The following CAPN14 variants were observed in gnomAD, a reference collection of about 807,000 sequenced individuals.
CAPN14 encodes calpain 14, also known as calpain-14.
Under a neutral mutation model 101.3 loss-of-function variants are expected in CAPN14, and 94 were observed. The ratio of observed to expected loss-of-function variants is 0.93; its 90% confidence interval spans 0.79 to 1.10. The LOEUF (loss-of-function observed/expected upper bound fraction) is 1.10. CAPN14 is among the 50% of genes least tolerant of loss of function. The pLI is 0.00. For missense variants in CAPN14, 837 were observed against 828.4 expected (o/e 1.01, Z -0.13); for synonymous variants, 338 against 317.9 (o/e 1.06, Z -0.67).
chr2:31,201,746 A>G, intron 5 of CAPN14, 116 bp downstream of exon 5: 2 of 1,328,518 alleles, frequency 1.5e-6, no homozygotes, highest in Non-Finnish European at 2.1e-6. Flanking sequence ...TATGTTGGCT[A>G]AGACATGCCT....
At chr2:31,205,790 G>C (rs1682042930) in intron 1 of CAPN14, among the ~76,000 whole-genome samples, 1 of 152,024 alleles carries the variant, frequency 6.6e-6, no homozygotes, top group South Asian at 2.1e-4. Context: ...CAATGTCACG[G>C]GGGTCCCTTC....
intron 16 of CAPN14, among the ~76,000 whole-genome samples, chr2:31,181,479 TTCTCTC>T (rs371156919): frequency 5.1e-5 from 7 of 137,522 alleles, no homozygotes; most frequent in South Asian, 4.9e-4. Context: ...TTTCTTTTCT[TTCTCTC>T]TCTCTCTCTT....
rs116017291 is a variant in CAPN14 at position 31,193,440 on chromosome 2, G to A, written c.951-146C>T. The A allele has an allele frequency of 1.3e-3, 978 of 756,702 alleles. 8 individuals are homozygous for A. The African/African-American group carries it at 0.015, about 11-fold the overall frequency. The allele number at this position is 756,702 out of a possible 1,614,324, so 46.9% of individuals were successfully genotyped here. A position where few individuals can be genotyped will look rare whatever the true frequency, so the allele number is the denominator to read the frequency against. On this transcript the variant is annotated intron_variant, in intron 9 of 21. Coordinates refer to ENST00000403897, the MANE Select transcript of CAPN14 (RefSeq NM_001145122.2). ...AGCTCTTGTGCAGAGCTGAGCTGAC[G>A]ATAGGCACATCAGCTGGGGCTGGCT... is the stretch of plus-strand genomic sequence containing the variant.
chr2:31,225,462 G>C (rs1404040553), intron 2 of CAPN14, among the ~76,000 whole-genome samples: 3 of 151,838 alleles, frequency 2.0e-5, no homozygotes, highest in African/African-American at 7.3e-5. Flanking sequence ...AGTATCAAAA[G>C]CATTAATAAT....
intron 1 of CAPN14, among the ~76,000 whole-genome samples, chr2:31,206,043 T>TA (rs1682070026): frequency 6.8e-6 from 1 of 147,938 alleles, no homozygotes; most frequent in African/African-American, 2.4e-5. Flanking sequence ...TATTTATTTT[T>TA]TTTTTTTGAG....
chr2:31,189,623 G>T (rs753142449), intron 12 of CAPN14, 145 bp from the exon 13 acceptor site: 1 of 727,356 alleles, frequency 1.4e-6, no homozygotes, highest in South Asian at 1.5e-5. Flanking sequence ...TGAAACAAGT[G>T]GGGAGGAAAG....
At chr2:31,206,548 C>G (rs1348412760) in intron 1 of CAPN14, among the ~76,000 whole-genome samples, 2 of 152,236 alleles carry the variant, frequency 1.3e-5, no homozygotes, top group African/African-American at 4.8e-5. Flanking sequence ...AGCCACCATG[C>G]CCAGCCTACA....
Position 31,212,814 on chromosome 2 carries a change from G to A in CAPN14, c.-53+4642C>T, listed in dbSNP as rs184954163. 1.4e-3 allele frequency among the ~76,000 whole-genome samples: 218 copies of A among 152,290 alleles called. 3 individuals are homozygous for A. The highest frequency in any genetic ancestry group is 4.7e-3 in the African/African-American group (196 of 41,566). On this transcript the variant is annotated intron_variant, in intron 1 of 21. Coordinates refer to ENST00000403897, the MANE Select transcript of CAPN14 (RefSeq NM_001145122.2). ...CAGGGTAGAGTCAGGTCTCTGGAAC[G>A]GAAGCAAAAGAAATAAGTACCATGC... is the stretch of plus-strand genomic sequence containing the variant.
intron 15 of CAPN14, among the ~76,000 whole-genome samples, chr2:31,186,998 T>C (rs945096008): frequency 2.6e-5 from 4 of 152,196 alleles, no homozygotes; most frequent in Non-Finnish European, 5.9e-5. Flanking sequence ...AAACAATACA[T>C]ATAAGATTCT....
intron 1 of CAPN14, among the ~76,000 whole-genome samples, chr2:31,215,959 T>C (rs554183208): frequency 2.0e-4 from 31 of 151,750 alleles, no homozygotes; most frequent in Non-Finnish European, 2.9e-4. Flanking sequence ...TGCTTAAATC[T>C]ATGCACCAAA....
chr2:31,192,748 C>T (rs967743085), intron 10 of CAPN14, among the ~76,000 whole-genome samples: 2 of 152,180 alleles, frequency 1.3e-5, no homozygotes, highest in African/African-American at 2.4e-5. Context: ...CTATTTCAAT[C>T]CTGCCTAGTT....
At chr2:31,221,402 T>C (rs955235318), upstream of CAPN14, among the ~76,000 whole-genome samples, 3 of 152,224 alleles carry the variant, frequency 2.0e-5, no homozygotes, top group South Asian at 4.1e-4. Context: ...ATTGTGTACT[T>C]GGCATTGTTT....
intron 5 of CAPN14, 117 bp from the exon 6 acceptor site, chr2:31,200,742 G>T: frequency 2.0e-6 from 2 of 977,264 alleles, no homozygotes; most frequent in Non-Finnish European, 1.5e-6. Context: ...CAAAAGCAGA[G>T]CTCAGGCAAC....
intron 2 of CAPN14, among the ~76,000 whole-genome samples, chr2:31,204,981 C>G (rs1681996170): frequency 6.6e-6 from 1 of 152,138 alleles, no homozygotes; most frequent in Non-Finnish European, 1.5e-5. Flanking sequence ...CTGACACCGT[C>G]TCTAGGTAGA....
chr2:31,193,194 T>A lies in CAPN14; in HGVS notation c.1051A>T (p.Thr351Ser), dbSNP rs1681290725. The change falls in exon 10 of 22, where the codon ACC becomes TCC. Residue 351 changes from threonine to serine, a missense_variant. Thr to Ser is a moderately conservative substitution (Grantham distance 58). Coordinates refer to ENST00000403897, the MANE Select transcript of CAPN14 (RefSeq NM_001145122.2). ...SQEAAQKWTYTMREGRWEKRS... is the reference protein window; with the variant it reads ...SQEAAQKWTYSMREGRWEKRS... The stretch of plus-strand genomic sequence containing the variant: ...TTCTCCCATCTCCCCTCCCGCATGG[T>A]GTACGTCCACTTCTGGGCCGCCTCC... 1 of 1,551,690 alleles carries A rather than the reference T, an allele frequency of 6.4e-7. No homozygotes were observed. The highest frequency in any genetic ancestry group is 1.4e-5 in the African/African-American group (1 of 73,188).
intron 1 of CAPN14, among the ~76,000 whole-genome samples, chr2:31,227,602 C>T (rs1436411755): frequency 6.6e-6 from 1 of 152,188 alleles, no homozygotes; most frequent in East Asian, 1.9e-4. Context: ...TTTATCCCCA[C>T]AACAACATTG....
intron 19 of CAPN14, 134 bp from the exon 20 acceptor site, chr2:31,177,276 G>T (rs1409206588): frequency 3.3e-6 from 2 of 607,576 alleles, no homozygotes; most frequent in Non-Finnish European, 5.9e-6. Flanking sequence ...CTTTTATAGG[G>T]TTCATTTTGA....
chr2:31,212,167 G>A (rs1210999007), intron 1 of CAPN14, among the ~76,000 whole-genome samples: 2 of 152,016 alleles, frequency 1.3e-5, no homozygotes, highest in Non-Finnish European at 2.9e-5. Context: ...ATAATTAGCT[G>A]GGCGCTGTGG....
At chr2:31,216,402 G>C (rs1407373666) in intron 1 of CAPN14, among the ~76,000 whole-genome samples, 1 of 152,094 alleles carries the variant, frequency 6.6e-6, no homozygotes, top group African/African-American at 2.4e-5. Flanking sequence ...TTTAAACAAG[G>C]CTTTATTGCA....
Sources: gnomAD v4.1 joint callset for allele counts (sites outside exome capture counted in the v4.1 genomes callset) on GRCh38, gnomAD v4.1.1 for gene constraint, MANE v1.5 for transcripts, NCBI Gene and HGNC (gene_info 2026-07-23, HGNC 2026-07-21) for gene names.